The following SLC26A5 variants were observed in gnomAD, a reference collection of about 807,000 sequenced individuals.
SLC26A5 encodes the protein prestin.
In SLC26A5, 51 loss-of-function variants were observed where a neutral mutation model predicts 81.0. The observed-to-expected ratio is 0.63, with a 90% confidence interval of 0.50 to 0.80. SLC26A5 has a LOEUF of 0.80. SLC26A5 is among the 30% of genes least tolerant of loss of function. The probability of loss-of-function intolerance (pLI) is 0.00; values close to 1 mark genes in which losing one functional copy is unlikely to be tolerated. For synonymous variants in SLC26A5, 325 were observed against 332.8 expected (o/e 0.98, Z 0.25); for missense variants, 771 against 905.8 (o/e 0.85, Z 1.91).
intron 14 of SLC26A5, among the ~76,000 whole-genome samples, chr7:103,386,827 A>G (rs1051597444): frequency 2.0e-5 from 3 of 151,768 alleles, no homozygotes; most frequent in Admixed American, 2.0e-4. Context: ...CAATGGCTCA[A>G]TCTCAGCTCA....
chr7:103,400,936 C>A (rs1302948669), intron 8 of SLC26A5, among the ~76,000 whole-genome samples: 1 of 152,076 alleles, frequency 6.6e-6, no homozygotes, highest in Non-Finnish European at 1.5e-5. Flanking sequence ...GTTTTGGTAC[C>A]AGTACCATGC....
intron 19 of SLC26A5, among the ~76,000 whole-genome samples, chr7:103,361,486 G>A (rs187037179): frequency 7.0e-6 from 1 of 142,118 alleles, no homozygotes; most frequent in Non-Finnish European, 1.5e-5. Flanking sequence ...TTTCAGCCTG[G>A]GCAACAAGAG....
At chr7:103,427,074 GA>G (rs1030444554) in intron 2 of SLC26A5, among the ~76,000 whole-genome samples, 10 of 151,324 alleles carry the variant, frequency 6.6e-5, no homozygotes, top group African/African-American at 2.2e-4. Flanking sequence ...TTTCATCATA[GA>G]TTTTTTTTTT....
intron 4 of SLC26A5, among the ~76,000 whole-genome samples, chr7:103,419,784 C>T (rs1159490635): frequency 6.6e-6 from 1 of 152,114 alleles, no homozygotes; most frequent in Non-Finnish European, 1.5e-5. Flanking sequence ...GTGATCCACC[C>T]ACCTCAGCCT....
intron 8 of SLC26A5, among the ~76,000 whole-genome samples, chr7:103,403,593 C>T (rs598315): frequency 1.3e-5 from 2 of 151,908 alleles, no homozygotes; most frequent in Admixed American, 1.3e-4. Flanking sequence ...GTTACCTCTT[C>T]TTGCTGCATT....
chr7:103,417,380 A>G (rs1268359982), intron 4 of SLC26A5, among the ~76,000 whole-genome samples: 3 of 151,588 alleles, frequency 2.0e-5, no homozygotes, highest in East Asian at 1.9e-4. Context: ...AAAAAAAAAA[A>G]AAAAAGAAAA....
intron 15 of SLC26A5, among the ~76,000 whole-genome samples, chr7:103,380,042 C>T (rs73175856): frequency 6.6e-6 from 1 of 152,162 alleles, no homozygotes; most frequent in Non-Finnish European, 1.5e-5. Flanking sequence ...CGATATTCCA[C>T]AGAAGAAAAG....
intron 14 of SLC26A5, among the ~76,000 whole-genome samples, chr7:103,381,022 A>T (rs1391803179): frequency 6.6e-6 from 1 of 151,266 alleles, no homozygotes; most frequent in African/African-American, 2.4e-5. Context: ...TACACACACA[A>T]TGCACACACA....
downstream of SLC26A5, among the ~76,000 whole-genome samples, chr7:103,370,112 A>C (rs903586095): frequency 2.6e-5 from 4 of 152,198 alleles, no homozygotes; most frequent in African/African-American, 9.7e-5. Context: ...TGAAGAATTC[A>C]GTAATACTTT....
At chr7:103,382,141 A>G (rs572334539) in intron 14 of SLC26A5, among the ~76,000 whole-genome samples, 38 of 152,190 alleles carry the variant, frequency 2.5e-4, no homozygotes, top group African/African-American at 8.7e-4. Context: ...TCCTCAAGCC[A>G]CTCAGTAGAC....
intron 19 of SLC26A5, chr7:103,363,243 T>C (rs1820516730): frequency 2.3e-6 from 2 of 886,298 alleles, no homozygotes; most frequent in Non-Finnish European, 3.5e-6. Flanking sequence ...AAATTCTCAC[T>C]TGTGAGTTTT....
At chr7:103,397,402 G>A (rs1162151948) in intron 9 of SLC26A5, among the ~76,000 whole-genome samples, 2 of 151,818 alleles carry the variant, frequency 1.3e-5, no homozygotes, top group Admixed American at 6.6e-5. Context: ...TCAGCCGGGC[G>A]TGGTGGCGGG....
At chr7:103,355,214 A>G (rs1034304642) in intron 19 of SLC26A5, among the ~76,000 whole-genome samples, 8 of 152,218 alleles carry the variant, frequency 5.3e-5, no homozygotes, top group African/African-American at 1.9e-4. Flanking sequence ...CAGTTCAGTA[A>G]ACTTCAGTTA....
chr7:103,390,330 C>G, intron 12 of SLC26A5, 99 bp downstream of exon 12: 1 of 1,085,280 alleles, frequency 9.2e-7, no homozygotes, highest in Non-Finnish European at 1.4e-6. Context: ...GTGAGGGTTA[C>G]AGTAAATAAC....
At chr7:103,411,978 A>T (rs1245939044) in intron 5 of SLC26A5, among the ~76,000 whole-genome samples, 1 of 152,166 alleles carries the variant, frequency 6.6e-6, no homozygotes, top group Non-Finnish European at 1.5e-5. Context: ...CTTCTGCTGA[A>T]GCCCTAAGTC....
intron 4 of SLC26A5, 75 bp downstream of exon 4, chr7:103,420,663 T>G: frequency 6.4e-7 from 1 of 1,563,630 alleles, no homozygotes; most frequent in Non-Finnish European, 8.8e-7. Flanking sequence ...GAATTTGCAA[T>G]CATGATGAAA....
chr7:103,444,188 T>C (rs1827100144), intron 1 of SLC26A5, among the ~76,000 whole-genome samples: 1 of 152,256 alleles, frequency 6.6e-6, no homozygotes, highest in Non-Finnish European at 1.5e-5. Context: ...AGTCACAAAA[T>C]GATTAAATTT....
At chr7:103,384,974 A>G (rs1014303707) in intron 14 of SLC26A5, among the ~76,000 whole-genome samples, 1 of 152,192 alleles carries the variant, frequency 6.6e-6, no homozygotes, top group African/African-American at 2.4e-5. Flanking sequence ...AGAGTCTAGC[A>G]TCTCCCTGGA....
At chr7:103,358,832 A>T (rs1484725446) in intron 19 of SLC26A5, among the ~76,000 whole-genome samples, 1 of 152,192 alleles carries the variant, frequency 6.6e-6, no homozygotes, top group African/African-American at 2.4e-5. Context: ...TTTTCATAAC[A>T]GACAGACTAG....
Sources: gnomAD v4.1 joint callset for allele counts (sites outside exome capture counted in the v4.1 genomes callset) on GRCh38, gnomAD v4.1.1 for gene constraint, MANE v1.5 for transcripts, NCBI Gene and HGNC (gene_info 2026-07-23, HGNC 2026-07-21) for gene names.